Variants in ZNF564 observed in about 807,000 individuals in gnomAD.
ZNF564 encodes the protein zinc finger protein 564.
ZNF564 carries 5 observed loss-of-function variants against 10.5 expected under a neutral mutation model. That is an observed-to-expected ratio of 0.48 (90% confidence interval 0.25 to 1.00). ZNF564 has a LOEUF of 1.00. ZNF564 is among the 50% of genes least tolerant of loss of function. ZNF564 has a pLI of 0.16. For missense variants in ZNF564, 603 were observed against 669.7 expected (o/e 0.90, Z 1.10); for synonymous variants, 242 against 218.1 (o/e 1.11, Z -0.97).
intron 1 of ZNF564, chr19:12,529,783 G>A (rs1276702409): frequency 1.3e-5 from 2 of 152,040 alleles, no homozygotes; most frequent in Admixed American, 6.6e-5. Flanking sequence ...AGGAGTTTGA[G>A]ACCAGCCAGC....
intron 1 of ZNF564, among the ~76,000 whole-genome samples, chr19:12,549,552 A>G (rs59669780): frequency 0.022 from 3,364 of 152,304 alleles, 146 homozygotes; most frequent in African/African-American, 0.077. Context: ...TAGACTAAAA[A>G]CAATCCAGAG....
Position 12,539,583 on chromosome 19 carries a change from G to A in ZNF564, c.4-10887C>T, listed in dbSNP as rs140396313. On this transcript the variant is annotated intron_variant, in intron 1 of 3. Coordinates refer to ENST00000339282, the MANE Select transcript of ZNF564 (RefSeq NM_144976.4). Reference sequence around the variant, plus strand: ...CTTGGGAGGCTGAGGCAGGAGAATCGCTTGAACCCAGGAGGCAGAGGTAGC... The same window carrying A: ...CTTGGGAGGCTGAGGCAGGAGAATCACTTGAACCCAGGAGGCAGAGGTAGC... Among the ~76,000 whole-genome samples, 1,381 of 151,128 alleles carry A rather than the reference G, an allele frequency of 9.1e-3. 14 individuals carry two copies. Among genetic ancestry groups the A allele is most frequent in the Middle Eastern group, 0.065 (19 of 294 alleles).
At chr19:12,532,816 C>T (rs2021835552) in intron 1 of ZNF564, 1 of 152,114 alleles carries the variant, frequency 6.6e-6, no homozygotes. Flanking sequence ...GAAAACCTGA[C>T]AACCCTTAGT....
intron 1 of ZNF564, among the ~76,000 whole-genome samples, chr19:12,539,539 G>A (rs950655695): frequency 1.3e-5 from 2 of 149,092 alleles, no homozygotes; most frequent in South Asian, 2.1e-4. Context: ...AAGGTGGCAC[G>A]TACCTGTAGT....
At chr19:12,528,516 G>T (rs558605703) in intron 2 of ZNF564, 54 bp downstream of exon 2, 1 of 1,601,016 alleles carries the variant, frequency 6.2e-7, no homozygotes, top group African/African-American at 1.4e-5. Context: ...GCATTAAAAA[G>T]CAAGAAATAC....
chr19:12,526,634 T>TG lies in ZNF564; in HGVS notation c.1473dup (p.Ile492HisfsTer2). 6.2e-7 allele frequency: 1 copy of TG among 1,614,078 alleles called. No individual in the cohort carries two copies. Among genetic ancestry groups the TG allele is most frequent in the Non-Finnish European group, 8.5e-7 (1 of 1,180,018 alleles). On this transcript the variant is annotated frameshift_variant, in exon 4 of 4. Transcript: ENST00000339282. LOFTEE classifies it low-confidence loss of function (END_TRUNC). ...GTATGAGTTCTTTCATGTATTCTAA[T>TG]GGAACTGGCATAATTGAATGCTTTC...
chr19:12,533,024 G>A (rs1189206488), intron 1 of ZNF564: 1 of 152,154 alleles, frequency 6.6e-6, no homozygotes, highest in African/African-American at 2.4e-5. Context: ...GGATTTAATT[G>A]AAATGCATGG....
intron 1 of ZNF564, among the ~76,000 whole-genome samples, chr19:12,542,556 G>T (rs2022076743): frequency 6.6e-6 from 1 of 151,680 alleles, no homozygotes; most frequent in Non-Finnish European, 1.5e-5. Flanking sequence ...AAGAGTTGTA[G>T]GCTGCAGTGA....
chr19:12,543,221 G>A (rs531608966), intron 1 of ZNF564, among the ~76,000 whole-genome samples: 2 of 150,928 alleles, frequency 1.3e-5, no homozygotes, highest in African/African-American at 4.9e-5. Flanking sequence ...AGAATGGCTT[G>A]AACCCAGGAG....
intron 1 of ZNF564, among the ~76,000 whole-genome samples, chr19:12,531,607 G>A (rs972415287): frequency 6.6e-6 from 1 of 151,718 alleles, no homozygotes; most frequent in African/African-American, 2.4e-5. Context: ...TAGGCACTGA[G>A]GAAAAAAGAC....
Position 12,527,919 on chromosome 19 carries a change from G to GGAAAAAATA in ZNF564, c.192-12_192-4dup. The GGAAAAAATA allele has an allele frequency of 6.4e-7, 1 of 1,566,566 alleles. No individual in the cohort carries two copies. Among genetic ancestry groups the GGAAAAAATA allele is most frequent in the Non-Finnish European group, 8.6e-7 (1 of 1,159,568 alleles). On this transcript the variant is annotated splice_region_variant and splice_polypyrimidine_tract_variant and intron_variant, in intron 3 of 3. Coordinates refer to ENST00000339282, the MANE Select transcript of ZNF564 (RefSeq NM_144976.4). ...TGAGTCCCTCTTCCATATGATTTCT[G>GGAAAAAATA]GAAAAAATAGAAAGCAAGATTTAGT... is the stretch of plus-strand genomic sequence containing the variant.
At chr19:12,537,820 A>G (rs897331664) in intron 1 of ZNF564, among the ~76,000 whole-genome samples, 1 of 152,188 alleles carries the variant, frequency 6.6e-6, no homozygotes, top group Non-Finnish European at 1.5e-5. Context: ...ATGTATAAAA[A>G]TAACAGATTT....
chr19:12,536,695 C>T (rs1027756553), intron 1 of ZNF564, among the ~76,000 whole-genome samples: 5 of 152,028 alleles, frequency 3.3e-5, no homozygotes, highest in Non-Finnish European at 7.4e-5. Flanking sequence ...GTATTGTGGA[C>T]TTCGTATAAG....
At chr19:12,539,503 CAAAA>C (rs1181815609) in intron 1 of ZNF564, among the ~76,000 whole-genome samples, 1 of 64,016 alleles carries the variant, frequency 1.6e-5, no homozygotes, top group South Asian at 4.3e-4. Flanking sequence ...AATAAAAATA[CAAAA>C]AAAAAAAAAA....
chr19:12,537,738 CAA>C (rs56173239), intron 1 of ZNF564, among the ~76,000 whole-genome samples: 6 of 114,528 alleles, frequency 5.2e-5, no homozygotes, highest in Admixed American at 1.8e-4. Context: ...AACTCCGTCT[CAA>C]AAAAAAAAAA....
intron 1 of ZNF564, among the ~76,000 whole-genome samples, chr19:12,532,262 G>A (rs573791609): frequency 1.2e-4 from 18 of 151,520 alleles, no homozygotes; most frequent in Non-Finnish European, 2.2e-4. Context: ...TTGGCCGGGC[G>A]CGGTGGCTCA....
chr19:12,530,737 C>A (rs529503411), intron 1 of ZNF564, among the ~76,000 whole-genome samples: 103 of 152,166 alleles, frequency 6.8e-4, no homozygotes, highest in African/African-American at 2.5e-3. Flanking sequence ...TGTGTAATGT[C>A]AAGGCAAAAT....
Position 12,526,310 on chromosome 19 carries a change from C to T in ZNF564, c.*136G>A. The T allele has an allele frequency of 2.2e-6, 2 of 907,956 alleles. No individual in the cohort carries two copies. The highest frequency in any genetic ancestry group is 1.7e-5 in the African/African-American group (1 of 59,746). The allele number at this position is 907,956 out of a possible 1,614,324, so 56.2% of individuals were successfully genotyped here. Reference sequence around the variant, plus strand: ...GTATTTCCAAAATATGAGACAGGCACAGGATAGAGATTCCTATTCCAAAAG... The same window carrying T: ...GTATTTCCAAAATATGAGACAGGCATAGGATAGAGATTCCTATTCCAAAAG... On this transcript the variant is annotated 3_prime_UTR_variant, in exon 4 of 4. Transcript: ENST00000339282.
intron 1 of ZNF564, among the ~76,000 whole-genome samples, chr19:12,542,209 T>C (rs1193578992): frequency 7.1e-6 from 1 of 141,826 alleles, no homozygotes; most frequent in African/African-American, 2.7e-5. Context: ...CTCGGGAGGC[T>C]GAGGCACAAG....
Sources: allele counts gnomAD v4.1 joint callset (sites outside exome capture counted in the v4.1 genomes callset), GRCh38; gene constraint gnomAD v4.1.1; transcripts MANE v1.5; gene names NCBI Gene and HGNC (gene_info 2026-07-23, HGNC 2026-07-21).